Variants in IRS1 observed in about 807,000 individuals in gnomAD.
IRS1 encodes the protein insulin receptor substrate 1.
In IRS1, 34 loss-of-function variants were observed where a neutral mutation model predicts 65.6. The observed-to-expected ratio is 0.52, with a 90% CI of 0.39 to 0.69. The LOEUF (loss-of-function observed/expected upper bound fraction) is 0.69. Ranked by LOEUF, IRS1 falls within the 30% of genes least tolerant of loss-of-function variation. The pLI is 0.00. For synonymous variants in IRS1, 699 were observed against 683.5 expected, an observed-to-expected ratio of 1.02 and a Z score of -0.35; for missense variants, 1,641 against 1,720.2, an observed-to-expected ratio of 0.95 and a Z score of 0.81.
intron 1 of IRS1, among the ~76,000 whole-genome samples, chr2:226,783,737 T>TA (rs1939432506): frequency 6.7e-6 from 1 of 149,224 alleles, no homozygotes; most frequent in Non-Finnish European, 1.5e-5. Flanking sequence ...TCACAGTAAG[T>TA]CAAAAAATAC....
At chr2:226,761,865 GAGGTTGCC>G (rs1319273801) in intron 1 of IRS1, among the ~76,000 whole-genome samples, 1 of 152,226 alleles carries the variant, frequency 6.6e-6, no homozygotes, top group African/African-American at 2.4e-5. Flanking sequence ...ATGGATAACA[GAGGTTGCC>G]AGGTGGCATT....
At chr2:226,766,107 GC>G (rs1455272639) in intron 1 of IRS1, among the ~76,000 whole-genome samples, 1 of 90,302 alleles carries the variant, frequency 1.1e-5, no homozygotes, top group Non-Finnish European at 2.1e-5. Flanking sequence ...TTTTCCCAAG[GC>G]CCTCTCTTAA....
intron 1 of IRS1, among the ~76,000 whole-genome samples, chr2:226,770,068 A>G (rs1446636838): frequency 6.6e-6 from 1 of 152,220 alleles, no homozygotes; most frequent in Non-Finnish European, 1.5e-5. Context: ...TGAAAACTTT[A>G]TGACTAGGGT....
intron 1 of IRS1, among the ~76,000 whole-genome samples, chr2:226,760,578 C>G (rs943823267): frequency 5.3e-5 from 8 of 152,140 alleles, no homozygotes. Flanking sequence ...ACATTCTTGT[C>G]CATCTGGAAT....
chr2:226,766,162 TA>T (rs1360405864), intron 1 of IRS1, among the ~76,000 whole-genome samples: 4 of 20,126 alleles, frequency 2.0e-4, no homozygotes, highest in Admixed American at 8.5e-4. Context: ...TATATATATA[TA>T]TTTTTTTTTT....
chr2:226,757,759 G>A (rs1398369165), intron 1 of IRS1, among the ~76,000 whole-genome samples: 3 of 152,108 alleles, frequency 2.0e-5, no homozygotes, highest in African/African-American at 7.2e-5. Flanking sequence ...GAGAAATACT[G>A]CATTAAAATT....
intron 1 of IRS1, among the ~76,000 whole-genome samples, chr2:226,784,741 T>A (rs1475996035): frequency 6.6e-6 from 1 of 152,238 alleles, no homozygotes; most frequent in African/African-American, 2.4e-5. Context: ...AAATGTTATC[T>A]GTTACCACAT....
At chr2:226,740,825 C>T (rs1267416717) in intron 1 of IRS1, among the ~76,000 whole-genome samples, 1 of 152,042 alleles carries the variant, frequency 6.6e-6, no homozygotes, top group Non-Finnish European at 1.5e-5. Flanking sequence ...CCTTATCCAA[C>T]TGTGCTTTAA....
intron 1 of IRS1, among the ~76,000 whole-genome samples, chr2:226,762,736 T>G (rs1439373324): frequency 6.6e-6 from 1 of 152,196 alleles, no homozygotes; most frequent in East Asian, 1.9e-4. Context: ...TTTTTGCCAT[T>G]ACTTTTAAAA....
chr2:226,764,933 T>C (rs535130303), intron 1 of IRS1, among the ~76,000 whole-genome samples: 3 of 152,368 alleles, frequency 2.0e-5, no homozygotes, highest in Admixed American at 1.3e-4. Context: ...ATGCTGTCGA[T>C]AGTGTACTTA....
rs1290218511 is a variant in IRS1 at position 226,796,568 on chromosome 2, T to A, written c.2171A>T (p.Lys724Met). The change falls in exon 1 of 2, where the codon AAG (lysine) becomes ATG (methionine). Residue 724 changes from lysine (K) to methionine (M), a missense_variant. By Grantham distance (95) the Lys-to-Met change is moderately conservative (BLOSUM62 -1). Coordinates refer to ENST00000305123, the MANE Select transcript of IRS1 (RefSeq NM_005544.3). ...PKPPVESSGG[K>M]LLPCTGDYMN... Reference sequence around the variant, plus strand: ...GTAGTCACCTGTGCAAGGTAAGAGCTTACCACCGCTGCTCTCCACTGGGGG... The same window carrying A: ...GTAGTCACCTGTGCAAGGTAAGAGCATACCACCGCTGCTCTCCACTGGGGG... 1 of 1,613,718 alleles carries A rather than the reference T, an allele frequency of 6.2e-7. No individual in the cohort carries two copies. The highest frequency in any genetic ancestry group is 2.2e-5 in the East Asian group (1 of 44,862).
rs564739111 is a variant in IRS1, at chr2:226,783,222, G to T, written c.*21+11767C>A. On this transcript the variant is annotated intron_variant, in intron 1 of 1. Transcript: ENST00000305123. ...CTTAAGGAGATCTAACTCTTAAAAAGATGCCATCAAGACCTGAATCTGCAC... is the reference window on the plus strand; with the variant it reads ...CTTAAGGAGATCTAACTCTTAAAAATATGCCATCAAGACCTGAATCTGCAC... Among the ~76,000 whole-genome samples, 5 of 152,298 alleles carry T rather than the reference G, an allele frequency of 3.3e-5. No individual in the cohort carries two copies. In the South Asian group the frequency reaches 8.3e-4, roughly 25 times the overall value.
At chr2:226,758,545 T>C (rs183269869) in intron 1 of IRS1, among the ~76,000 whole-genome samples, 29 of 152,228 alleles carry the variant, frequency 1.9e-4, no homozygotes, top group African/African-American at 7.0e-4. Context: ...TGGGTAGAAA[T>C]TTTCCTCTTA....
intron 1 of IRS1, among the ~76,000 whole-genome samples, chr2:226,768,411 TG>T (rs1452955399): frequency 6.6e-6 from 1 of 152,168 alleles, no homozygotes; most frequent in African/African-American, 2.4e-5. Context: ...AATAAATGAA[TG>T]GACATATACT....
Position 226,799,096 on chromosome 2 carries a change from A to G in IRS1, c.-358T>C. The stretch of plus-strand genomic sequence containing the variant: ...CTCGTCGCCCCGGCTGGAGTCCGGC[A>G]CAGGGAGGCGACAGTCGGGGGTCCC... On this transcript the variant is annotated 5_prime_UTR_variant, in exon 1 of 2. Coordinates refer to ENST00000305123, the MANE Select transcript of IRS1 (RefSeq NM_005544.3). This position sits in a 1 kb window ranked among gnomAD's most constrained non-coding sequence, Gnocchi z 6.1. 1 of 1,210,656 alleles carries G rather than the reference A, an allele frequency of 8.3e-7. No homozygotes were observed. Among genetic ancestry groups the G allele is most frequent in the Non-Finnish European group, 1.0e-6 (1 of 956,168 alleles). 75.0% of individuals were successfully genotyped at this position (1,210,656 alleles called of 1,614,324 possible).
Position 226,799,726 on chromosome 2 carries a change from C to G in IRS1, c.-988G>C, listed in dbSNP as rs562032246. The stretch of plus-strand genomic sequence containing the variant: ...AACCAAAACAAGCGGCGGCGTCTGG[C>G]TCTGCGCGCCGGCCCCCTCCGACCG... On this transcript the variant is annotated 5_prime_UTR_variant, in exon 1 of 2. Transcript: ENST00000305123. This position sits in a 1 kb window ranked among gnomAD's most constrained non-coding sequence, Gnocchi z 6.1. 7 of 999,630 alleles carry G rather than the reference C, an allele frequency of 7.0e-6. No homozygotes were observed. The East Asian group carries it at 8.0e-4, about 114-fold the overall frequency. 61.9% of individuals were successfully genotyped at this position (999,630 alleles called of 1,614,324 possible).
intron 1 of IRS1, among the ~76,000 whole-genome samples, chr2:226,791,731 G>T (rs1011507993): frequency 6.6e-6 from 1 of 151,888 alleles, no homozygotes; most frequent in Non-Finnish European, 1.5e-5. Flanking sequence ...TGTGGTGGGG[G>T]CCAATCAGCG....
chr2:226,762,158 T>C (rs1306865009), intron 1 of IRS1, among the ~76,000 whole-genome samples: 1 of 152,196 alleles, frequency 6.6e-6, no homozygotes, highest in Non-Finnish European at 1.5e-5. Context: ...GATTTATTAA[T>C]TTAGTTACTC....
At position 226,799,638 on chromosome 2, in the gene IRS1, G is replaced by A. The variant is rs531620818; in HGVS notation, c.-900C>T. On this transcript the variant is annotated 5_prime_UTR_variant, in exon 1 of 2. Transcript: ENST00000305123. The surrounding 1 kb of genome is among the most constrained non-coding windows in gnomAD (Gnocchi z 6.1). Reference sequence around the variant, plus strand: ...CGCCTGTTCCTCGGGAGGCGCTGCCGCTGCAGTTACTTCTCCCCTCCTCCC... The same window carrying A: ...CGCCTGTTCCTCGGGAGGCGCTGCCACTGCAGTTACTTCTCCCCTCCTCCC... 55 of 1,003,132 alleles carry A rather than the reference G, an allele frequency of 5.5e-5. No individual in the cohort carries two copies. In the African/African-American group the frequency reaches 8.5e-4, roughly 16 times the overall value. 62.1% of individuals were successfully genotyped at this position (1,003,132 alleles called of 1,614,324 possible). A position where few individuals can be genotyped will look rare whatever the true frequency, so the allele number is the denominator to read the frequency against.
Sources: gnomAD v4.1 joint callset for allele counts (sites outside exome capture counted in the v4.1 genomes callset) on GRCh38, gnomAD v4.1.1 for gene constraint, Gnocchi (gnomAD v3.1) non-coding constraint, MANE v1.5 for transcripts, NCBI Gene and HGNC (gene_info 2026-07-23, HGNC 2026-07-21) for gene names.